NAA30: variants seen among roughly 807,000 people sequenced by gnomAD.
NAA30 encodes the protein N-alpha-acetyltransferase 30.
Under a neutral mutation model 31.4 loss-of-function variants are expected in NAA30, and 5 were observed. The observed-to-expected ratio is 0.16, with a 90% CI of 0.08 to 0.33. The LOEUF is 0.33. NAA30 is among the 10% of genes least tolerant of loss of function. NAA30 has a pLI of 1.00. For synonymous variants in NAA30, 222 were observed against 207.1 expected (o/e 1.07, Z -0.62); for missense variants, 428 against 490.8 (o/e 0.87, Z 1.21).
chr14:57,391,510 C>T lies in NAA30; in HGVS notation c.553C>T (p.Arg185Trp). 6.2e-7 allele frequency: 1 copy of T among 1,612,948 alleles called. No individual in the cohort carries two copies. The highest frequency in any genetic ancestry group is 8.5e-7 in the Non-Finnish European group (1 of 1,179,666). Reference protein sequence around the residue: ...QEEEEEDEQVRLLSSSLTADC... With the variant: ...QEEEEEDEQVWLLSSSLTADC... ...GGAGGAGGAGGAAGACGAGCAGGTG[C>T]GGCTGCTGTCTTCGTCCCTGACCGC... Residue 185 changes from arginine to tryptophan, a missense_variant, in exon 2 of 5, where the codon CGG (arginine) becomes TGG (tryptophan). Arg to Trp is a moderately radical substitution (Grantham distance 101). Transcript: ENST00000556492. The surrounding 1 kb of genome is among the most constrained non-coding windows in gnomAD (Gnocchi z 4.1).
intron 1 of NAA30, 82 bp from the exon 2 acceptor site, chr14:57,390,875 C>A (rs1255879278): frequency 1.4e-6 from 2 of 1,403,192 alleles, no homozygotes; most frequent in African/African-American, 3.0e-5. Flanking sequence ...CCACCTCGGC[C>A]GCCCCCCATC....
chr14:57,393,450 T>C (rs2066438215), intron 2 of NAA30, among the ~76,000 whole-genome samples: 1 of 152,208 alleles, frequency 6.6e-6, no homozygotes, highest in Non-Finnish European at 1.5e-5. Context: ...TATTAAACAA[T>C]AATAAAACAG....
intron 4 of NAA30, among the ~76,000 whole-genome samples, chr14:57,400,677 T>G (rs1034865201): frequency 3.3e-5 from 5 of 152,196 alleles, no homozygotes; most frequent in Non-Finnish European, 5.9e-5. Context: ...TAAGTTTTTT[T>G]AAAAGGTTGA....
rs1460504165 is a variant in NAA30 at position 57,413,887 on chromosome 14, TCA to T, written c.*4375_*4376del. On this transcript the variant is annotated 3_prime_UTR_variant, in exon 5 of 5. Coordinates refer to ENST00000556492, the MANE Select transcript of NAA30 (RefSeq NM_001011713.3). ...TACACTTTAGATCACTACTGTCCAGTCACACTTTATATAAGGATAGATGTGTC... is the reference window on the plus strand; with the variant it reads ...TACACTTTAGATCACTACTGTCCAGTCACTTTATATAAGGATAGATGTGTC... 1 of 152,228 alleles carries T rather than the reference TCA, an allele frequency of 6.6e-6. No homozygotes were observed. The highest frequency in any genetic ancestry group is 2.4e-5 in the African/African-American group (1 of 41,458). 9.4% of individuals were successfully genotyped at this position (152,228 alleles called of 1,614,324 possible).
chr14:57,407,518 A>G (rs1193262005), intron 4 of NAA30, among the ~76,000 whole-genome samples: 2 of 152,206 alleles, frequency 1.3e-5, no homozygotes, highest in Non-Finnish European at 2.9e-5. Context: ...AGAGAGGAGG[A>G]TAGGAAGAGC....
intron 2 of NAA30, among the ~76,000 whole-genome samples, chr14:57,392,394 A>G (rs952364480): frequency 6.6e-6 from 1 of 151,696 alleles, no homozygotes; most frequent in Non-Finnish European, 1.5e-5. Context: ...CTTGTGTGAA[A>G]TTGTTACCGA....
In NAA30 at chr14:57,391,287, GGT is replaced by G; in HGVS notation, c.332_333del (p.Val111GlyfsTer8). On this transcript the variant is annotated frameshift_variant, in exon 2 of 5. Transcript: ENST00000556492. LOFTEE classifies it high-confidence loss of function. This position sits in a 1 kb window ranked among gnomAD's most constrained non-coding sequence, Gnocchi z 4.1. ...LKSKVLSVAEVAATTATPDGG... is the reference protein window; with the variant it reads ...LKSKVLSVAEXAATTATPDGG... ...AGAGCAAGGTCCTGAGCGTAGCAGA[GGT>G]GGCCGCGACCACAGCCACCCCTGAC... is the stretch of plus-strand genomic sequence containing the variant. 1 of 1,611,198 alleles carries G rather than the reference GGT, an allele frequency of 6.2e-7. No homozygotes were observed. Among genetic ancestry groups the G allele is most frequent in the East Asian group, 2.2e-5 (1 of 44,868 alleles).
chr14:57,391,413 C>T lies in NAA30; in HGVS notation c.456C>T (p.Ser152=), dbSNP rs1309214345. The T allele has an allele frequency of 8.1e-6, 13 of 1,607,456 alleles. No individual in the cohort carries two copies. The highest frequency in any genetic ancestry group is 1.1e-5 in the Non-Finnish European group (13 of 1,177,056). ...GTAATGCAAGAACTGCGGTCCCCAG[C>T]CCGGTGGAGGCAGCGGCGGCGAGCG... ...LSSNARTAVP[S]PVEAAAASDP... The change falls in exon 2 of 5, where the codon AGC becomes AGT. Residue 152 remains serine (S), a synonymous_variant. Transcript: ENST00000556492. This position sits in a 1 kb window ranked among gnomAD's most constrained non-coding sequence, Gnocchi z 4.1.
intron 2 of NAA30, among the ~76,000 whole-genome samples, chr14:57,392,005 A>G (rs1283771382): frequency 3.3e-5 from 5 of 152,238 alleles, no homozygotes; most frequent in South Asian, 4.2e-4. Context: ...TTTACATTAG[A>G]TTATAATCGT....
rs1594755742 is a variant in NAA30 at position 57,415,708 on chromosome 14, A to C, written c.*6192A>C. ...AACATGTAGGGGATTGATCATTGCG[A>C]TGTTTAGGCCAGGATTTCTCATGAT... On this transcript the variant is annotated 3_prime_UTR_variant, in exon 5 of 5. Transcript: ENST00000556492. The C allele has an allele frequency of 6.6e-6, 1 of 152,090 alleles. No homozygotes were observed. The highest frequency in any genetic ancestry group is 1.9e-4 in the East Asian group (1 of 5,190). 9.4% of individuals were successfully genotyped at this position (152,090 alleles called of 1,614,324 possible). A position where few individuals can be genotyped will look rare whatever the true frequency, so the allele number is the denominator to read the frequency against.
rs1371066951 is a variant in NAA30 at position 57,415,152 on chromosome 14, A to G, written c.*5636A>G. 6.6e-6 allele frequency: 1 copy of G among 152,202 alleles called. No individual in the cohort carries two copies. The highest frequency in any genetic ancestry group is 1.5e-5 in the Non-Finnish European group (1 of 68,020). 9.4% of individuals were successfully genotyped at this position (152,202 alleles called of 1,614,324 possible). A position where few individuals can be genotyped will look rare whatever the true frequency, so the allele number is the denominator to read the frequency against. On this transcript the variant is annotated 3_prime_UTR_variant, in exon 5 of 5. Coordinates refer to ENST00000556492, the MANE Select transcript of NAA30 (RefSeq NM_001011713.3). ...TAATTTACCATATACTAGGAGAAGG[A>G]CCTGCTTTTAAAGAAATTGTGTAAA...
intron 4 of NAA30, among the ~76,000 whole-genome samples, chr14:57,408,907 C>CA (rs1287369036): frequency 6.6e-5 from 10 of 151,980 alleles, no homozygotes; most frequent in Non-Finnish European, 1.2e-4. Flanking sequence ...AGACTCTGGT[C>CA]GAGACTCCAG....
In NAA30 at chr14:57,411,176, CTT is replaced by C. The variant is rs966784471; in HGVS notation, c.*1662_*1663del. ...CACAATTTATATTTGAAAATAAAAA[CTT>C]TCTGCTGGTGGGATTATTTATAGTT... On this transcript the variant is annotated 3_prime_UTR_variant, in exon 5 of 5. Coordinates refer to ENST00000556492, the MANE Select transcript of NAA30 (RefSeq NM_001011713.3). 3.3e-5 allele frequency: 5 copies of C among 151,192 alleles called. No homozygotes were observed. The highest frequency in any genetic ancestry group is 1.2e-4 in the African/African-American group (5 of 41,150). The allele number at this position is 151,192 out of a possible 1,614,324, so 9.4% of individuals were successfully genotyped here.
intron 4 of NAA30, among the ~76,000 whole-genome samples, chr14:57,403,266 C>A (rs1439958381): frequency 1.4e-5 from 2 of 144,974 alleles, no homozygotes; most frequent in Non-Finnish European, 3.0e-5. Context: ...CATTGGAAAT[C>A]TCTGTGAAAC....
intron 3 of NAA30, 136 bp from the exon 4 acceptor site, chr14:57,399,692 T>G (rs1330636830): frequency 1.6e-6 from 1 of 631,310 alleles, no homozygotes; most frequent in East Asian, 2.8e-5. Context: ...TTTTCCCATT[T>G]AATTTGAGGT....
chr14:57,402,622 C>T (rs1404689215), intron 4 of NAA30, among the ~76,000 whole-genome samples: 1 of 151,912 alleles, frequency 6.6e-6, no homozygotes, highest in Non-Finnish European at 1.5e-5. Context: ...TAGGGTTAAC[C>T]AAGTTGTTAA....
In NAA30 at chr14:57,391,765, G is replaced by T. The variant is rs191622982; in HGVS notation, c.771+37G>T. On this transcript the variant is annotated intron_variant, in intron 2 of 4. Transcript: ENST00000556492. The surrounding 1 kb of genome is among the most constrained non-coding windows in gnomAD (Gnocchi z 4.1). ...GAATAAAAAGAGGGTGAACCCAGCAGTGATCGAGACTGTGCGGGGCAGGGA... is the reference window on the plus strand; with the variant it reads ...GAATAAAAAGAGGGTGAACCCAGCATTGATCGAGACTGTGCGGGGCAGGGA... 3.4e-5 allele frequency: 52 copies of T among 1,543,444 alleles called. No homozygotes were observed. The South Asian group carries it at 5.9e-4, about 17-fold the overall frequency.
At chr14:57,401,834 G>C (rs1200968950) in intron 4 of NAA30, among the ~76,000 whole-genome samples, 2 of 152,044 alleles carry the variant, frequency 1.3e-5, no homozygotes, top group African/African-American at 4.8e-5. Flanking sequence ...TTATTGTTTT[G>C]GTCTCAAGGT....
At position 57,391,714 on chromosome 14, in the gene NAA30, C is replaced by G; in HGVS notation, c.757C>G (p.Gln253Glu). 6.2e-7 allele frequency: 1 copy of G among 1,606,462 alleles called. No individual in the cohort carries two copies. Residue 253 changes from glutamine to glutamate, a missense_variant, in exon 2 of 5, where the codon CAG (glutamine) becomes GAG (glutamate). Around this residue, in one of 2 missense-constraint regions of NAA30, gnomAD observed 79 missense variants for 180.3 expected, o/e 0.44. Transcript: ENST00000556492. This position sits in a 1 kb window ranked among gnomAD's most constrained non-coding sequence, Gnocchi z 4.1. ...TYRYFIHNWP[Q>E]LCFLAMVGEE... ...TAGATATTTTATCCACAACTGGCCA[C>G]AGCTGTGCTTCTTGGTAAGTGGATA...
Sources: allele counts gnomAD v4.1 joint callset (sites outside exome capture counted in the v4.1 genomes callset), GRCh38; gene constraint gnomAD v4.1.1; regional missense constraint gnomAD v4.1.1; non-coding constraint Gnocchi (gnomAD v3.1); transcripts MANE v1.5; gene names NCBI Gene and HGNC (gene_info 2026-07-23, HGNC 2026-07-21).